The following TMEM232 variants were observed in gnomAD, a reference collection of about 807,000 sequenced individuals.
TMEM232 encodes the protein transmembrane protein 232.
TMEM232 carries 80 observed loss-of-function variants against 78.8 expected under a neutral mutation model. The ratio of observed to expected loss-of-function variants is 1.01; its 90% CI spans 0.85 to 1.22. The LOEUF (loss-of-function observed/expected upper bound fraction) is 1.22. Ranked by LOEUF, TMEM232 falls within the 50% of genes most tolerant of loss-of-function variation. The pLI, the probability that TMEM232 is intolerant of heterozygous loss-of-function variation, is 0.00. For synonymous variants in TMEM232, 297 were observed against 254.3 expected (o/e 1.17, Z -1.60); for missense variants, 881 against 742.2 (o/e 1.19, Z -2.17).
intron 3 of TMEM232, among the ~76,000 whole-genome samples, chr5:110,391,703 A>G (rs1580540000): frequency 1.3e-5 from 2 of 152,304 alleles, no homozygotes; most frequent in South Asian, 2.1e-4. Context: ...AATAGAATCT[A>G]TTGATTCAGT....
intron 10 of TMEM232, among the ~76,000 whole-genome samples, chr5:110,578,671 C>T (rs995908122): frequency 3.3e-5 from 5 of 151,884 alleles, no homozygotes; most frequent in African/African-American, 1.2e-4. Flanking sequence ...TCAGTAACCA[C>T]TGATTAGAAG....
intron 10 of TMEM232, among the ~76,000 whole-genome samples, chr5:110,584,117 G>A (rs575091802): frequency 1.7e-3 from 261 of 151,916 alleles, no homozygotes; most frequent in African/African-American, 5.9e-3. Context: ...AAAAATGGAA[G>A]GGCTATATGA....
intron 2 of TMEM232, among the ~76,000 whole-genome samples, chr5:110,402,613 G>A (rs762513944): frequency 1.3e-5 from 2 of 152,094 alleles, no homozygotes; most frequent in East Asian, 1.9e-4. Flanking sequence ...GTCTCAGCAC[G>A]ATGGGAACAA....
At chr5:110,720,268 T>C (rs1410041677) in intron 1 of TMEM232, among the ~76,000 whole-genome samples, 1 of 152,088 alleles carries the variant, frequency 6.6e-6, no homozygotes, top group Non-Finnish European at 1.5e-5. Flanking sequence ...ACGAGGGAAA[T>C]TAGGGTATCA....
At chr5:110,669,500 C>T (rs1304496080) in intron 1 of TMEM232, among the ~76,000 whole-genome samples, 2 of 152,044 alleles carry the variant, frequency 1.3e-5, no homozygotes, top group Non-Finnish European at 2.9e-5. Flanking sequence ...AGCTCACCAA[C>T]CAAAAAAAAG....
intron 10 of TMEM232, among the ~76,000 whole-genome samples, chr5:110,577,286 C>T (rs1777675354): frequency 6.6e-6 from 1 of 152,112 alleles, no homozygotes; most frequent in Non-Finnish European, 1.5e-5. Flanking sequence ...CTCAACATTA[C>T]TGATCAGTAT....
At chr5:110,531,308 GT>G (rs1771431695) in intron 11 of TMEM232, among the ~76,000 whole-genome samples, 1 of 152,150 alleles carries the variant, frequency 6.6e-6, no homozygotes, top group African/African-American at 2.4e-5. Context: ...CTGTTTAGTA[GT>G]CTCTTCACAC....
At chr5:110,630,616 C>T (rs1784996326) in intron 5 of TMEM232, among the ~76,000 whole-genome samples, 1 of 152,180 alleles carries the variant, frequency 6.6e-6, no homozygotes, top group Admixed American at 6.5e-5. Flanking sequence ...TTCTCCTTCA[C>T]TTTCCACCAT....
At chr5:110,446,766 A>G (rs879884293) in intron 12 of TMEM232, among the ~76,000 whole-genome samples, 2 of 152,104 alleles carry the variant, frequency 1.3e-5, no homozygotes, top group Non-Finnish European at 2.9e-5. Flanking sequence ...CTAATAATAG[A>G]TAGGGACAAA....
intron 12 of TMEM232, among the ~76,000 whole-genome samples, chr5:110,501,102 C>A (rs1005186717): frequency 3.3e-5 from 5 of 152,162 alleles, no homozygotes; most frequent in African/African-American, 9.7e-5. Context: ...AAGTGACATT[C>A]TTCCCATTGT....
At chr5:110,555,696 G>C (rs1330324102) in intron 11 of TMEM232, among the ~76,000 whole-genome samples, 2 of 152,060 alleles carry the variant, frequency 1.3e-5, no homozygotes, top group Non-Finnish European at 2.9e-5. Context: ...TGGGTAAATA[G>C]GTATTTAGGA....
At chr5:110,431,926 A>C (rs1757901244) in intron 12 of TMEM232, among the ~76,000 whole-genome samples, 1 of 151,734 alleles carries the variant, frequency 6.6e-6, no homozygotes, top group Non-Finnish European at 1.5e-5. Context: ...ATAATATAAA[A>C]AGAGAAATGA....
At chr5:110,572,935 G>T (rs1415007388) in intron 10 of TMEM232, among the ~76,000 whole-genome samples, 1 of 152,042 alleles carries the variant, frequency 6.6e-6, no homozygotes, top group East Asian at 1.9e-4. Context: ...TTCAACAAGG[G>T]ACCAAGCTGT....
intron 11 of TMEM232, among the ~76,000 whole-genome samples, chr5:110,552,737 T>C (rs1774618175): frequency 6.6e-6 from 1 of 152,132 alleles, no homozygotes; most frequent in South Asian, 2.1e-4. Flanking sequence ...ATACACTTAA[T>C]GTATATCTGC....
intron 11 of TMEM232, among the ~76,000 whole-genome samples, chr5:110,536,287 T>C (rs552298037): frequency 4.2e-4 from 64 of 152,222 alleles, no homozygotes; most frequent in Admixed American, 2.6e-3. Flanking sequence ...CCCTTTGCCT[T>C]TTTTTTCTTT....
chr5:110,717,227 G>C (rs1354403389), intron 1 of TMEM232, among the ~76,000 whole-genome samples: 1 of 149,066 alleles, frequency 6.7e-6, no homozygotes, highest in African/African-American at 2.5e-5. Flanking sequence ...CCGTGACAAA[G>C]ACATATGGCC....
chr5:110,713,114 T>C (rs1796663078), intron 1 of TMEM232, among the ~76,000 whole-genome samples: 1 of 151,618 alleles, frequency 6.6e-6, no homozygotes, highest in East Asian at 1.9e-4. Context: ...ACAATATGGA[T>C]AGTCATTATG....
At chr5:110,505,435 A>G (rs1447643585) in intron 12 of TMEM232, among the ~76,000 whole-genome samples, 1 of 152,238 alleles carries the variant, frequency 6.6e-6, no homozygotes, top group East Asian at 1.9e-4. Flanking sequence ...AATTGTTTGC[A>G]CTGACCATAG....
chr5:110,573,954 C>T (rs1345660295), intron 10 of TMEM232, among the ~76,000 whole-genome samples: 2 of 152,042 alleles, frequency 1.3e-5, no homozygotes, highest in Non-Finnish European at 2.9e-5. Flanking sequence ...TAGATACACT[C>T]TGAATGGTCA....
Sources: allele counts gnomAD v4.1 joint callset (sites outside exome capture counted in the v4.1 genomes callset), GRCh38; gene constraint gnomAD v4.1.1; transcripts MANE v1.5; gene names NCBI Gene and HGNC (gene_info 2026-07-23, HGNC 2026-07-21).